The following ACTR3C variants were observed in gnomAD, a reference collection of about 807,000 sequenced individuals.
ACTR3C encodes actin related protein 3C.
Under a neutral mutation model 26.3 loss-of-function variants are expected in ACTR3C, and 18 were observed. That is an observed-to-expected ratio of 0.68 (90% CI 0.47 to 1.01). The LOEUF (loss-of-function observed/expected upper bound fraction) is 1.01. Among genes scored for constraint, ACTR3C ranks in the 50% least tolerant of loss-of-function variants. The pLI is 0.00. For synonymous variants in ACTR3C, 55 were observed against 94.5 expected, an observed-to-expected ratio of 0.58 and a Z score of 2.42; for missense variants, 184 against 250.7, an observed-to-expected ratio of 0.73 and a Z score of 1.80.
chr7:150,162,995 TACAA>T, the ACTR3C span, among the ~76,000 whole-genome samples: 1 of 151,890 alleles, frequency 6.6e-6, no homozygotes, highest in African/African-American at 2.4e-5. Context: ...CTACTAAAAA[TACAA>T]ACAAATTAGC....
chr7:149,921,377 T>C, the ACTR3C span, among the ~76,000 whole-genome samples: 2 of 152,136 alleles, frequency 1.3e-5, no homozygotes, highest in Non-Finnish European at 2.9e-5. Flanking sequence ...ATCAGTGATT[T>C]CAGAACCACT....
the ACTR3C span, among the ~76,000 whole-genome samples, chr7:150,070,075 A>C: frequency 6.6e-6 from 1 of 152,184 alleles, no homozygotes; most frequent in Non-Finnish European, 1.5e-5. Flanking sequence ...AGATGCGCTC[A>C]CCTCAGCCAG....
chr7:150,038,823 TG>T, the ACTR3C span, among the ~76,000 whole-genome samples: 151 of 137,730 alleles, frequency 1.1e-3, 1 homozygote, highest in Non-Finnish European at 1.9e-3. Context: ...CCCTCTGCGA[TG>T]GGGGTCCTAA....
At chr7:150,118,283 C>G in the ACTR3C span, among the ~76,000 whole-genome samples, 1 of 151,972 alleles carries the variant, frequency 6.6e-6, no homozygotes, top group African/African-American at 2.4e-5. Flanking sequence ...TAACAAAATC[C>G]TCTGAGCTAA....
chr7:150,291,860 G>C (rs1836293914), intron 3 of ACTR3C, among the ~76,000 whole-genome samples: 1 of 151,460 alleles, frequency 6.6e-6, no homozygotes, highest in Non-Finnish European at 1.5e-5. Context: ...GCTTGAAGGG[G>C]GCTCAAGTCT....
At chr7:149,917,017 C>A in the ACTR3C span, among the ~76,000 whole-genome samples, 16 of 152,232 alleles carry the variant, frequency 1.1e-4, no homozygotes, top group South Asian at 8.3e-4. Context: ...CCTTCTATTC[C>A]TGTGTATCTT....
the ACTR3C span, among the ~76,000 whole-genome samples, chr7:150,230,891 T>A: frequency 6.7e-4 from 102 of 151,294 alleles, 2 homozygotes; most frequent in African/African-American, 2.2e-3. Flanking sequence ...CTTGGTTACC[T>A]TAACTAGAGA....
At chr7:150,037,564 C>A in the ACTR3C span, among the ~76,000 whole-genome samples, 2 of 54,642 alleles carry the variant, frequency 3.7e-5, 1 homozygote, top group Middle Eastern at 0.032. Flanking sequence ...CGATGGGGGT[C>A]CTAAGAACCC....
chr7:149,953,084 T>C, the ACTR3C span, among the ~76,000 whole-genome samples: 2 of 149,682 alleles, frequency 1.3e-5, no homozygotes, highest in South Asian at 2.1e-4. Flanking sequence ...TGTGAAGCTA[T>C]AGCCCAAGAA....
the ACTR3C span, among the ~76,000 whole-genome samples, chr7:149,967,227 G>C: frequency 0.37 from 55,962 of 151,190 alleles, 10,707 homozygotes; most frequent in Middle Eastern, 0.44. Context: ...AGTAGAGACA[G>C]GGTTTCACTC....
At chr7:150,049,732 C>T in the ACTR3C span, among the ~76,000 whole-genome samples, 2 of 152,176 alleles carry the variant, frequency 1.3e-5, no homozygotes, top group Admixed American at 6.5e-5. Flanking sequence ...GTCCCTTCCA[C>T]CTGCCTCCCT....
chr7:150,029,172 C>T, the ACTR3C span, among the ~76,000 whole-genome samples: 3 of 152,016 alleles, frequency 2.0e-5, no homozygotes, highest in African/African-American at 7.3e-5. Flanking sequence ...CAAATGTTGA[C>T]ACCCCTAAGG....
At chr7:149,945,320 A>AGGCTGCAGGGTCTTGGGGCG in the ACTR3C span, among the ~76,000 whole-genome samples, 2 of 138,732 alleles carry the variant, frequency 1.4e-5, no homozygotes, top group Non-Finnish European at 3.2e-5. Context: ...CATCAGTGAC[A>AGGCTGCAGGGTCTTGGGGCG]ACCTCCCAGC....
the ACTR3C span, among the ~76,000 whole-genome samples, chr7:150,154,170 A>G: frequency 2.0e-5 from 3 of 151,308 alleles, no homozygotes; most frequent in African/African-American, 7.3e-5. Flanking sequence ...ACATGTATAC[A>G]TATGTAACTA....
the ACTR3C span, among the ~76,000 whole-genome samples, chr7:150,000,368 A>C: frequency 8.7e-6 from 1 of 114,342 alleles, no homozygotes; most frequent in Non-Finnish European, 1.8e-5. Context: ...ATAAATACCC[A>C]CTGTTGGCAT....
At chr7:150,046,883 CG>C in the ACTR3C span, among the ~76,000 whole-genome samples, 1 of 150,446 alleles carries the variant, frequency 6.6e-6, no homozygotes, top group Non-Finnish European at 1.5e-5. Flanking sequence ...AATGTGCTCT[CG>C]GAGAAGTTTT....
rs144416770 is a variant in ACTR3C at position 150,316,481 on chromosome 7, TTA to T, written c.-52+6986_-52+6987del. 2.4e-3 allele frequency among the ~76,000 whole-genome samples: 207 copies of T among 86,754 alleles called. 6 individuals are homozygous for T. The highest frequency in any genetic ancestry group is 4.8e-3 in the East Asian group (11 of 2,288). 56.9% of individuals were successfully genotyped at this position (86,754 alleles called of 152,430 possible). On this transcript the variant is annotated intron_variant, in intron 1 of 7. Coordinates refer to ENST00000683684, the MANE Select transcript of ACTR3C (RefSeq NM_001164458.2). ...TTTCCATCTGAACTTTAGAATCTGG[TTA>T]TTTTTTTTTTTTTTTTTTTTTTTGA...
the ACTR3C span, among the ~76,000 whole-genome samples, chr7:149,899,604 A>AAAAAAAC: frequency 9.3e-6 from 1 of 107,088 alleles, no homozygotes; most frequent in African/African-American, 2.9e-5. Context: ...GGAAGAAGTA[A>AAAAAAAC]AAAAAAAAAA....
the ACTR3C span, among the ~76,000 whole-genome samples, chr7:149,936,065 G>A: frequency 1.3e-5 from 2 of 152,100 alleles, no homozygotes; most frequent in Non-Finnish European, 2.9e-5. Context: ...TGATTATTAA[G>A]TCCTCTTCTG....
Sources: allele counts gnomAD v4.1 joint callset (sites outside exome capture counted in the v4.1 genomes callset), GRCh38; gene constraint gnomAD v4.1.1; transcripts MANE v1.5; gene names NCBI Gene and HGNC (gene_info 2026-07-23, HGNC 2026-07-21).